PIEZO2: variants seen among roughly 807,000 people sequenced by gnomAD.
The protein encoded by PIEZO2 is piezo-type mechanosensitive ion channel component 2.
Under a neutral mutation model 337.3 loss-of-function variants are expected in PIEZO2, and 172 were observed. That is an observed-to-expected ratio of 0.51 (90% CI 0.45 to 0.58). The LOEUF (loss-of-function observed/expected upper bound fraction) is 0.58, where lower values mean the gene tolerates loss of function less well. Ranked by LOEUF, PIEZO2 falls within the 20% of genes least tolerant of loss-of-function variation. PIEZO2 has a pLI of 0.00. For synonymous variants in PIEZO2, 1,251 were observed against 1,228.5 expected, an observed-to-expected ratio of 1.02 and a Z score of -0.38; for missense variants, 3,028 against 3,391.3, an observed-to-expected ratio of 0.89 and a Z score of 2.66.
In PIEZO2 at chr18:10,713,162, A is replaced by T. The variant is rs560989079; in HGVS notation, c.5423+1602T>A. Among the ~76,000 whole-genome samples, 1 of 152,166 alleles carries T rather than the reference A, an allele frequency of 6.6e-6. No individual in the cohort carries two copies. Among genetic ancestry groups the T allele is most frequent in the African/African-American group, 2.4e-5 (1 of 41,432 alleles). ...TTAGGCTTAGCATACATCTTATTTT[A>T]AAACTTGGATTTTTACTAAATATAT... On this transcript the variant is annotated intron_variant, in intron 39 of 55. Coordinates refer to ENST00000674853, the MANE Select transcript of PIEZO2 (RefSeq NM_001378183.1). This position sits in a 1 kb window ranked among gnomAD's most constrained non-coding sequence, Gnocchi z 4.5.
intron 33 of PIEZO2, among the ~76,000 whole-genome samples, chr18:10,737,290 AAAAAAAAC>A (rs2037040197): frequency 6.6e-6 from 1 of 150,532 alleles, no homozygotes; most frequent in African/African-American, 2.5e-5. Context: ...CATTTGAAAA[AAAAAAAAC>A]AAAAAAACAC....
At position 10,887,065 on chromosome 18, in the gene PIEZO2, CTTTTTTTTT is replaced by C. The variant is rs143421507; in HGVS notation, c.330-15659_330-15651del. ...TGTGGGAGAGTGGGGAGGTGACACA[CTTTTTTTTT>C]TTTTTTTTTTTTTGAGACAGAGTCT... On this transcript the variant is annotated intron_variant, in intron 4 of 55. Transcript: ENST00000674853. 9.4e-3 allele frequency among the ~76,000 whole-genome samples: 863 copies of C among 91,404 alleles called. 8 individuals are homozygous for C. Among genetic ancestry groups the C allele is most frequent in the African/African-American group, 0.036 (806 of 22,494 alleles). 60.0% of individuals were successfully genotyped at this position (91,404 alleles called of 152,430 possible).
chr18:10,741,058 A>G lies in PIEZO2; in HGVS notation c.4681T>C (p.Trp1561Arg), dbSNP rs1416772405. ...GAAGCATGATCAACCCAAGGCCGCC[A>G]CCACTGCTTTTTTTTGCCCTTGGCT... ...QKAKGKKKQW[W>R]RPWVDHASMV... The change falls in exon 33 of 56, where the codon TGG becomes CGG. Residue 1561 changes from tryptophan (W) to arginine (R), a missense_variant. Physicochemically the swap from Trp to Arg is moderately radical, Grantham distance 101 (BLOSUM62 -3). This residue lies in a region of PIEZO2 where 1,925 missense variants were observed against 2,051.9 expected (regional missense o/e 0.94). Transcript: ENST00000674853. 1 of 1,537,192 alleles carries G rather than the reference A, an allele frequency of 6.5e-7. No individual in the cohort carries two copies. Among genetic ancestry groups the G allele is most frequent in the South Asian group, 1.2e-5 (1 of 84,044 alleles).
intron 5 of PIEZO2, among the ~76,000 whole-genome samples, chr18:10,867,776 C>A (rs1190624521): frequency 2.0e-5 from 3 of 152,214 alleles, no homozygotes; most frequent in Non-Finnish European, 4.4e-5. Context: ...TAACTCTTTT[C>A]TACTCAATTT....
chr18:10,763,104 A>G lies in PIEZO2; in HGVS notation c.2947-6T>C, dbSNP rs1166971533. ...ACATAGTTGAACAGAGACACCTGAA[A>G]ACGTAAAACCAGAAATGGGGACAAA... is the stretch of plus-strand genomic sequence containing the variant. On this transcript the variant is annotated splice_region_variant and splice_polypyrimidine_tract_variant and intron_variant, in intron 21 of 55. Transcript: ENST00000674853. The G allele has an allele frequency of 1.3e-6, 2 of 1,536,094 alleles. No homozygotes were observed. Among genetic ancestry groups the G allele is most frequent in the Admixed American group, 3.9e-5 (2 of 50,802 alleles).
At chr18:11,082,306 C>T (rs1433400804) in intron 1 of PIEZO2, among the ~76,000 whole-genome samples, 1 of 147,910 alleles carries the variant, frequency 6.8e-6, no homozygotes, top group Non-Finnish European at 1.5e-5. Flanking sequence ...TTCATAGATA[C>T]ATATTTTTTT....
intron 3 of PIEZO2, among the ~76,000 whole-genome samples, chr18:10,951,665 G>T (rs1479200209): frequency 6.6e-6 from 1 of 152,188 alleles, no homozygotes; most frequent in Non-Finnish European, 1.5e-5. Flanking sequence ...CCCTGGAGGA[G>T]AACTTTAATC....
intron 5 of PIEZO2, among the ~76,000 whole-genome samples, chr18:10,868,161 C>T (rs900054151): frequency 1.3e-5 from 2 of 152,202 alleles, no homozygotes; most frequent in Non-Finnish European, 2.9e-5. Context: ...TAAAACAACA[C>T]CGCTTTTGAA....
intron 12 of PIEZO2, among the ~76,000 whole-genome samples, chr18:10,796,846 C>A (rs1008934960): frequency 6.6e-6 from 1 of 152,300 alleles, no homozygotes; most frequent in East Asian, 1.9e-4. Context: ...ACCGTCATAT[C>A]ATATCATACA....
chr18:11,144,371 T>C (rs1396135113), intron 1 of PIEZO2, among the ~76,000 whole-genome samples: 2 of 152,180 alleles, frequency 1.3e-5, no homozygotes, highest in African/African-American at 2.4e-5. Flanking sequence ...GCAAGTTACT[T>C]TCTTAAATGC....
chr18:10,887,521 G>A (rs1481668208), intron 4 of PIEZO2, among the ~76,000 whole-genome samples: 1 of 152,030 alleles, frequency 6.6e-6, no homozygotes, highest in Non-Finnish European at 1.5e-5. Context: ...GATTTGGGTG[G>A]GGACAAATAC....
In PIEZO2 at chr18:10,716,935, T is replaced by G. The variant is rs1298368657; in HGVS notation, c.5090-1119A>C. Among the ~76,000 whole-genome samples, 1 of 152,186 alleles carries G rather than the reference T, an allele frequency of 6.6e-6. No homozygotes were observed. On this transcript the variant is annotated intron_variant, in intron 37 of 55. Coordinates refer to ENST00000674853, the MANE Select transcript of PIEZO2 (RefSeq NM_001378183.1). The surrounding 1 kb of genome is among the most constrained non-coding windows in gnomAD (Gnocchi z 4.1). ...GATTGTAAGGCTGCAGCCACCGCAC[T>G]GGAGACGTGAATCACAGGCGCTTTG...
intron 42 of PIEZO2, among the ~76,000 whole-genome samples, chr18:10,703,987 C>T (rs975393530): frequency 2.0e-5 from 3 of 152,114 alleles, no homozygotes; most frequent in African/African-American, 7.2e-5. Flanking sequence ...CCCGGTGGCG[C>T]CAGGCATTGT....
At position 10,757,964 on chromosome 18, in the gene PIEZO2, G is replaced by C. The variant is rs1235784873; in HGVS notation, c.3923+5C>G. 2 of 1,531,738 alleles carry C rather than the reference G, an allele frequency of 1.3e-6. No homozygotes were observed. Among genetic ancestry groups the C allele is most frequent in the Non-Finnish European group, 1.7e-6 (2 of 1,144,116 alleles). The allele number at this position is 1,531,738 out of a possible 1,614,324, so 94.9% of individuals were successfully genotyped here. A position where few individuals can be genotyped will look rare whatever the true frequency, so the allele number is the denominator to read the frequency against. Reference sequence around the variant, plus strand: ...GGCTTTTAGCAAATGTGAAGCTCTTGTTACCTGCAGTGAATAAAATCTGGC... The same window carrying C: ...GGCTTTTAGCAAATGTGAAGCTCTTCTTACCTGCAGTGAATAAAATCTGGC... On this transcript the variant is annotated splice_donor_5th_base_variant and intron_variant, in intron 27 of 55. Transcript: ENST00000674853.
At chr18:10,960,656 A>T (rs1306926695) in intron 3 of PIEZO2, among the ~76,000 whole-genome samples, 3 of 152,044 alleles carry the variant, frequency 2.0e-5, no homozygotes, top group Non-Finnish European at 4.4e-5. Context: ...CTGATTACTC[A>T]GACTAAAAAA....
At chr18:10,796,984 CCAT>C (rs1158689950) in intron 12 of PIEZO2, among the ~76,000 whole-genome samples, 2 of 150,868 alleles carry the variant, frequency 1.3e-5, no homozygotes, top group Admixed American at 6.6e-5. Context: ...TATATATGTA[CCAT>C]CATATTATAC....
intron 28 of PIEZO2, among the ~76,000 whole-genome samples, chr18:10,752,322 A>G (rs539530559): frequency 1.1e-3 from 162 of 152,352 alleles, no homozygotes; most frequent in African/African-American, 3.7e-3. Context: ...TTCATAACTC[A>G]TACCAGGAGT....
At position 10,980,499 on chromosome 18, in the gene PIEZO2, A is replaced by G. The variant is rs1019566107; in HGVS notation, c.161-839T>C. On this transcript the variant is annotated intron_variant, in intron 2 of 55. Coordinates refer to ENST00000674853, the MANE Select transcript of PIEZO2 (RefSeq NM_001378183.1). This position sits in a 1 kb window ranked among gnomAD's most constrained non-coding sequence, Gnocchi z 4.8. ...TGATATGAATGCCACTAATTAACATATCACTGGATGTACTGGTCAATGCCA... is the reference window on the plus strand; with the variant it reads ...TGATATGAATGCCACTAATTAACATGTCACTGGATGTACTGGTCAATGCCA... Among the ~76,000 whole-genome samples, 1 of 152,222 alleles carries G rather than the reference A, an allele frequency of 6.6e-6. No individual in the cohort carries two copies. The highest frequency in any genetic ancestry group is 2.1e-4 in the South Asian group (1 of 4,836).
chr18:10,807,350 T>G (rs150233188), intron 7 of PIEZO2, 76 bp from the exon 8 acceptor site: 5 of 1,354,484 alleles, frequency 3.7e-6, no homozygotes, highest in Non-Finnish European at 4.0e-6. Flanking sequence ...AAGTACTTTG[T>G]TTTTGATACA....
Sources: gnomAD v4.1 joint callset for allele counts (sites outside exome capture counted in the v4.1 genomes callset) on GRCh38, gnomAD v4.1.1 for gene constraint, gnomAD v4.1.1 regional missense constraint, Gnocchi (gnomAD v3.1) non-coding constraint, MANE v1.5 for transcripts, NCBI Gene and HGNC (gene_info 2026-07-23, HGNC 2026-07-21) for gene names.